The following SLC36A1 variants were observed in gnomAD, a reference collection of about 807,000 sequenced individuals.
SLC36A1 encodes solute carrier family 36 member 1.
SLC36A1 carries 30 observed loss-of-function variants against 47.5 expected under a neutral mutation model. The ratio of observed to expected loss-of-function variants is 0.63; its 90% CI spans 0.47 to 0.86. The LOEUF (loss-of-function observed/expected upper bound fraction) is 0.86. SLC36A1 is among the 40% of genes least tolerant of loss of function. The pLI, the probability that SLC36A1 is intolerant of heterozygous loss-of-function variation, is 0.00. For synonymous variants in SLC36A1, 255 were observed against 249.7 expected (o/e 1.02, Z -0.20); for missense variants, 517 against 606.0 (o/e 0.85, Z 1.54).
the SLC36A1 span, among the ~76,000 whole-genome samples, chr5:151,361,579 T>G: frequency 2.0e-5 from 3 of 152,214 alleles, no homozygotes; most frequent in African/African-American, 7.2e-5. Flanking sequence ...GATGGTGTAT[T>G]TAAAATTTCA....
At chr5:151,468,854 A>G (rs1256070556) in intron 7 of SLC36A1, among the ~76,000 whole-genome samples, 2 of 152,228 alleles carry the variant, frequency 1.3e-5, no homozygotes, top group Non-Finnish European at 2.9e-5. Context: ...ATTCCTTATC[A>G]ACTCCAGTTA....
intron 7 of SLC36A1, among the ~76,000 whole-genome samples, chr5:151,468,280 TATA>T (rs1756825815): frequency 1.1e-5 from 1 of 91,402 alleles, no homozygotes; most frequent in African/African-American, 4.4e-5. Context: ...TATATATATA[TATA>T]TATATATATA....
At chr5:151,436,482 G>A (rs931086948), upstream of SLC36A1, among the ~76,000 whole-genome samples, 2 of 152,000 alleles carry the variant, frequency 1.3e-5, no homozygotes, top group African/African-American at 4.8e-5. Flanking sequence ...AAGGGTCTAA[G>A]TGAGGGGTCA....
At chr5:151,435,222 GGAAAA>G (rs1274285910), upstream of SLC36A1, among the ~76,000 whole-genome samples, 6 of 152,260 alleles carry the variant, frequency 3.9e-5, no homozygotes, top group East Asian at 9.6e-4. Flanking sequence ...AATTTCAAAA[GGAAAA>G]GAAAAGATTT....
chr5:151,505,284 C>A, the SLC36A1 span: 5 of 491,904 alleles, frequency 1.0e-5, no homozygotes, highest in African/African-American at 1.0e-4. Context: ...GTCTCTCGCC[C>A]ACCCCGGGAG....
intron 1 of SLC36A1, among the ~76,000 whole-genome samples, chr5:151,454,751 C>T (rs1227519533): frequency 2.4e-5 from 3 of 126,524 alleles, no homozygotes; most frequent in Non-Finnish European, 4.7e-5. Context: ...CTCGCTCTGT[C>T]GCCCAGGCTG....
chr5:151,421,591 T>TG, the SLC36A1 span, among the ~76,000 whole-genome samples: 2 of 150,168 alleles, frequency 1.3e-5, no homozygotes, highest in African/African-American at 2.5e-5. Flanking sequence ...TTTTTTTTTT[T>TG]TTGTTGTTGT....
At chr5:151,382,022 C>T in the SLC36A1 span, 1 of 638,508 alleles carries the variant, frequency 1.6e-6, no homozygotes, top group African/African-American at 1.9e-5. Flanking sequence ...TTATGCCCAG[C>T]CCGGGAGCTC....
At chr5:151,484,703 T>C (rs183949119) in intron 10 of SLC36A1, among the ~76,000 whole-genome samples, 1 of 152,342 alleles carries the variant, frequency 6.6e-6, no homozygotes, top group Admixed American at 6.5e-5. Flanking sequence ...GCATTTATTA[T>C]TGGTTTTTAG....
At chr5:151,530,782 A>G in the SLC36A1 span, among the ~76,000 whole-genome samples, 4 of 152,290 alleles carry the variant, frequency 2.6e-5, no homozygotes, top group Non-Finnish European at 4.4e-5. Flanking sequence ...CTGCGGTTGG[A>G]TGGATGTAGG....
chr5:151,553,372 T>G, the SLC36A1 span: 5 of 1,614,206 alleles, frequency 3.1e-6, no homozygotes, highest in Non-Finnish European at 3.4e-6. Context: ...GGCTGCCCAC[T>G]GTCTGTTGCC....
the SLC36A1 span, chr5:151,505,800 G>T: frequency 1.2e-6 from 2 of 1,613,932 alleles, no homozygotes; most frequent in Admixed American, 3.3e-5. Flanking sequence ...GCTGATGGCC[G>T]TGTACTCATT....
At chr5:151,376,600 C>T in the SLC36A1 span, among the ~76,000 whole-genome samples, 1 of 151,998 alleles carries the variant, frequency 6.6e-6, no homozygotes, top group Non-Finnish European at 1.5e-5. Context: ...TTATATATCT[C>T]AGAATTATGT....
rs373505987 is a variant in SLC36A1, at chr5:151,467,185, T to G, written c.420-14T>G. ...TTGTAACAGTCTTTGTATTCCTTCC[T>G]TCCCCACCTCCAGACGTGTTGTGGA... On this transcript the variant is annotated splice_polypyrimidine_tract_variant and intron_variant, in intron 5 of 10. Transcript: ENST00000243389. 1.9e-6 allele frequency: 3 copies of G among 1,593,154 alleles called. No individual in the cohort carries two copies. The African/African-American group carries it at 4.1e-5, about 22-fold the overall frequency.
chr5:151,392,050 T>C, the SLC36A1 span, among the ~76,000 whole-genome samples: 1 of 152,206 alleles, frequency 6.6e-6, no homozygotes, highest in Non-Finnish European at 1.5e-5. Flanking sequence ...TTTTGCTTGG[T>C]AGGCTATTAA....
chr5:151,447,302 A>T (rs1242999533), upstream of SLC36A1, among the ~76,000 whole-genome samples: 2 of 152,218 alleles, frequency 1.3e-5, no homozygotes, highest in Admixed American at 1.3e-4. Flanking sequence ...AGCAATACAA[A>T]CTCATCGAGA....
chr5:151,488,123 A>G lies in SLC36A1; in HGVS notation c.1300A>G (p.Ile434Val), dbSNP rs779466314. 5 of 1,613,942 alleles carry G rather than the reference A, an allele frequency of 3.1e-6. No individual in the cohort carries two copies. The highest frequency in any genetic ancestry group is 1.3e-5 in the African/African-American group (1 of 74,896). The change falls in exon 11 of 11, where the codon ATC becomes GTC. Residue 434 changes from isoleucine (I) to valine (V), a missense_variant. Transcript: ENST00000243389. Reference protein sequence around the residue: ...FYSEGMSPLTIFKDALISILG... With the variant: ...FYSEGMSPLTVFKDALISILG... ...CTCAGAGGGCATGAGCCCCCTCACC[A>G]TCTTTAAGGACGCCCTGATCAGCAT...
intron 7 of SLC36A1, among the ~76,000 whole-genome samples, chr5:151,468,273 A>ATC (rs1756816606): frequency 1.1e-5 from 1 of 93,352 alleles, no homozygotes; most frequent in African/African-American, 5.2e-5. Context: ...AAAAATATAT[A>ATC]TATATATATA....
the SLC36A1 span, among the ~76,000 whole-genome samples, chr5:151,422,595 G>A: frequency 2.0e-5 from 3 of 152,114 alleles, no homozygotes; most frequent in Non-Finnish European, 4.4e-5. Flanking sequence ...GGGCATGGTG[G>A]TGCCTGCCTG....
Sources: gnomAD v4.1 joint callset for allele counts (sites outside exome capture counted in the v4.1 genomes callset) on GRCh38, gnomAD v4.1.1 for gene constraint, MANE v1.5 for transcripts, NCBI Gene and HGNC (gene_info 2026-07-23, HGNC 2026-07-21) for gene names.